PARD3B: variants seen among roughly 807,000 people sequenced by gnomAD.
PARD3B encodes the protein par-3 family cell polarity regulator beta.
A neutral mutation model predicts 130.2 loss-of-function variants in PARD3B; 103 were observed. The ratio of observed to expected loss-of-function variants is 0.79; its 90% CI spans 0.67 to 0.93. PARD3B has a LOEUF of 0.93. Among genes scored for constraint, PARD3B ranks in the 40% least tolerant of loss-of-function variants. The pLI is 0.00. For synonymous variants in PARD3B, 583 were observed against 553.2 expected, an observed-to-expected ratio of 1.05 and a Z score of -0.76; for missense variants, 1,609 against 1,499.2, an observed-to-expected ratio of 1.07 and a Z score of -1.21.
intron 18 of PARD3B, among the ~76,000 whole-genome samples, chr2:205,395,058 C>T (rs2045977939): frequency 6.6e-6 from 1 of 152,184 alleles, no homozygotes; most frequent in Non-Finnish European, 1.5e-5. Context: ...CTCTGTCCTC[C>T]ATCTCCGACC....
chr2:205,113,399 T>A (rs1188614524), intron 5 of PARD3B, 92 bp from the exon 6 acceptor site: 7 of 494,882 alleles, frequency 1.4e-5, no homozygotes, highest in Non-Finnish European at 1.0e-5. Flanking sequence ...CAGGGGTGTG[T>A]GTGTGTGTGT....
chr2:205,226,329 C>T (rs1188109499), intron 15 of PARD3B, among the ~76,000 whole-genome samples: 2 of 152,184 alleles, frequency 1.3e-5, no homozygotes, highest in African/African-American at 2.4e-5. Flanking sequence ...CATGAGCCAC[C>T]ACGCCCGGCC....
rs182220595 is a variant in PARD3B at position 204,772,536 on chromosome 2, A to C, written c.222+86254A>C. Among the ~76,000 whole-genome samples, 88 of 152,274 alleles carry C rather than the reference A, an allele frequency of 5.8e-4. 3 individuals are homozygous for C. Among genetic ancestry groups the C allele is most frequent in the Admixed American group, 2.6e-4 (4 of 15,278 alleles). On this transcript the variant is annotated intron_variant, in intron 2 of 22. Transcript: ENST00000406610. ...TTTCAGATGGTTTGACTCCTCAGCA[A>C]CAATTCAAGTTTAATGTAAAGAAAG...
In PARD3B at chr2:205,440,512, C is replaced by A. The variant is rs1418178142; in HGVS notation, c.2884C>A (p.Pro962Thr). 6.2e-7 allele frequency: 1 copy of A among 1,614,030 alleles called. No homozygotes were observed. The highest frequency in any genetic ancestry group is 1.1e-5 in the South Asian group (1 of 91,076). ...NYARVNHFREPCTSANVFRSP... is the reference protein window; with the variant it reads ...NYARVNHFRETCTSANVFRSP... ...TGCCAGAGTGAACCACTTTCGGGAA[C>A]CATGCACATCAGCAAATGTCTTTAG... Residue 962 changes from proline (P) to threonine (T), a missense_variant, in exon 20 of 23, where the codon CCA (proline) becomes ACA (threonine). By Grantham distance (38) the Pro-to-Thr change is conservative. Transcript: ENST00000406610. The surrounding 1 kb of genome is among the most constrained non-coding windows in gnomAD (Gnocchi z 4.2).
chr2:204,643,123 A>AAAAAAAAAAAAAAAAAAAAAAAAAT (rs2035147788), intron 1 of PARD3B, among the ~76,000 whole-genome samples: 1 of 141,652 alleles, frequency 7.1e-6, no homozygotes, highest in Non-Finnish European at 1.6e-5. Flanking sequence ...CACAAAAAAA[A>AAAAAAAAAAAAAAAAAAAAAAAAAT]AAAAAAAAAA....
At chr2:205,201,499 C>T (rs1248940626) in intron 15 of PARD3B, among the ~76,000 whole-genome samples, 1 of 152,146 alleles carries the variant, frequency 6.6e-6, no homozygotes, top group Non-Finnish European at 1.5e-5. Flanking sequence ...GATACAGGTT[C>T]TTTTTATTTT....
At chr2:204,621,072 T>G (rs1432228018) in intron 1 of PARD3B, among the ~76,000 whole-genome samples, 1 of 152,206 alleles carries the variant, frequency 6.6e-6, no homozygotes, top group African/African-American at 2.4e-5. Context: ...GGGGTTTTTC[T>G]TGAGGGCTTG....
intron 2 of PARD3B, among the ~76,000 whole-genome samples, chr2:204,704,950 A>G (rs1289833282): frequency 6.6e-6 from 1 of 152,170 alleles, no homozygotes; most frequent in Non-Finnish European, 1.5e-5. Flanking sequence ...GCGAGGCATT[A>G]TGTAGTAGTA....
chr2:205,140,908 T>A (rs2032896880), intron 10 of PARD3B, among the ~76,000 whole-genome samples: 2 of 152,202 alleles, frequency 1.3e-5, no homozygotes, highest in African/African-American at 2.4e-5. Flanking sequence ...CATTAAATAT[T>A]AGGCCACTAG....
chr2:205,429,349 G>A (rs1268989899), intron 19 of PARD3B, among the ~76,000 whole-genome samples: 2 of 152,156 alleles, frequency 1.3e-5, no homozygotes, highest in Non-Finnish European at 1.5e-5. Context: ...CCAATACTAA[G>A]TACATCTCAC....
chr2:204,788,161 G>T lies in PARD3B; in HGVS notation c.222+101879G>T, dbSNP rs1178791279. Among the ~76,000 whole-genome samples, 3 of 152,228 alleles carry T rather than the reference G, an allele frequency of 2.0e-5. No homozygotes were observed. The East Asian group carries it at 5.8e-4, about 29-fold the overall frequency. ...TTTTACTGGATGTACTGGGACAGTA[G>T]AATACATATAGTTTAATGGACTCTG... is the stretch of plus-strand genomic sequence containing the variant. On this transcript the variant is annotated intron_variant, in intron 2 of 22. Coordinates refer to ENST00000406610, the MANE Select transcript of PARD3B (RefSeq NM_001302769.2).
chr2:204,796,832 T>G (rs1258814388), intron 2 of PARD3B, among the ~76,000 whole-genome samples: 1 of 152,344 alleles, frequency 6.6e-6, no homozygotes, highest in East Asian at 1.9e-4. Flanking sequence ...CATATGCCTC[T>G]GGCTATGCTA....
Position 204,882,604 on chromosome 2 carries a change from G to C in PARD3B, c.223-82548G>C, listed in dbSNP as rs114059776. On this transcript the variant is annotated intron_variant, in intron 2 of 22. Transcript: ENST00000406610. ...AAAACATGCACTTTGAAAGCTGCAG[G>C]CTGGTTCTATGGGCTACAAACAAAG... Among the ~76,000 whole-genome samples the C allele has an allele frequency of 6.6e-3, 1,001 of 152,244 alleles. 10 individuals carry two copies. Among genetic ancestry groups the C allele is most frequent in the African/African-American group, 0.022 (904 of 41,552 alleles).
chr2:205,100,807 A>G (rs1459117069), intron 4 of PARD3B, among the ~76,000 whole-genome samples: 1 of 152,088 alleles, frequency 6.6e-6, no homozygotes, highest in African/African-American at 2.4e-5. Context: ...ATGAATTTGA[A>G]CTCCTTCCTC....
At chr2:205,332,671 G>A (rs891061275) in intron 18 of PARD3B, among the ~76,000 whole-genome samples, 1 of 152,106 alleles carries the variant, frequency 6.6e-6, no homozygotes, top group East Asian at 1.9e-4. Flanking sequence ...CATTCAAGAC[G>A]GCTTCCCCTC....
intron 15 of PARD3B, among the ~76,000 whole-genome samples, chr2:205,245,563 A>C (rs1355410952): frequency 6.6e-6 from 1 of 152,210 alleles, no homozygotes; most frequent in Non-Finnish European, 1.5e-5. Flanking sequence ...TATGTTCATA[A>C]AAGATCTAAT....
intron 1 of PARD3B, among the ~76,000 whole-genome samples, chr2:204,676,852 T>C (rs575597187): frequency 6.6e-6 from 1 of 152,110 alleles, no homozygotes; most frequent in African/African-American, 2.4e-5. Context: ...ATATTTTTAG[T>C]AGAGACAGGG....
chr2:204,913,757 A>C (rs2047337388), intron 2 of PARD3B, among the ~76,000 whole-genome samples: 1 of 152,226 alleles, frequency 6.6e-6, no homozygotes, highest in Non-Finnish European at 1.5e-5. Context: ...TGATTATTTA[A>C]GAATTAACTA....
chr2:204,593,365 G>C (rs1468746950), intron 1 of PARD3B, among the ~76,000 whole-genome samples: 2 of 152,160 alleles, frequency 1.3e-5, no homozygotes, highest in African/African-American at 4.8e-5. Context: ...AGCAATGGCA[G>C]ATGAGCTACA....
Sources: gnomAD v4.1 joint callset for allele counts (sites outside exome capture counted in the v4.1 genomes callset) on GRCh38, gnomAD v4.1.1 for gene constraint, Gnocchi (gnomAD v3.1) non-coding constraint, MANE v1.5 for transcripts, NCBI Gene and HGNC (gene_info 2026-07-23, HGNC 2026-07-21) for gene names.